The following ST3GAL3 variants were observed in gnomAD, a reference collection of about 807,000 sequenced individuals.
The protein encoded by ST3GAL3 is CMP-N-acetylneuraminate-beta-1,4-galactoside alpha-2,3-sialyltransferase.
Under a neutral mutation model 50.1 loss-of-function variants are expected in ST3GAL3, and 21 were observed. That is an observed-to-expected ratio of 0.42 (90% CI 0.30 to 0.60). ST3GAL3 has a LOEUF of 0.60. ST3GAL3 is among the 20% of genes least tolerant of loss of function. ST3GAL3 has a pLI of 0.19. For synonymous variants in ST3GAL3, 183 were observed against 190.0 expected (o/e 0.96, Z 0.30); for missense variants, 353 against 489.4 (o/e 0.72, Z 2.63).
chr1:43,835,763 A>T (rs140012709), intron 4 of ST3GAL3, among the ~76,000 whole-genome samples: 116 of 152,310 alleles, frequency 7.6e-4, no homozygotes, highest in African/African-American at 2.6e-3. Context: ...TCTGCTGTTT[A>T]TGAAACTTTC....
chr1:43,930,134 C>T lies in ST3GAL3; in HGVS notation c.1041C>T (p.Ser347=). The change falls in exon 12 of 12, where the codon TCC becomes TCT. Residue 347 remains serine, a splice_region_variant and synonymous_variant. Coordinates refer to ENST00000347631, the MANE Select transcript of ST3GAL3 (RefSeq NM_006279.5). ...ETVRMAAIKE[S]WTHNIQREKE... is the part of the protein sequence containing the mutation. ...GATCACTTCATCTCTCCTTTCAGTC[C>T]TGGACGCACAATATCCAGCGAGAGA... 2.5e-6 allele frequency: 4 copies of T among 1,614,152 alleles called. No individual in the cohort carries two copies. The highest frequency in any genetic ancestry group is 3.4e-6 in the Non-Finnish European group (4 of 1,180,018).
At chr1:43,887,731 C>T (rs911160423) in intron 5 of ST3GAL3, among the ~76,000 whole-genome samples, 2 of 152,060 alleles carry the variant, frequency 1.3e-5, no homozygotes, top group Non-Finnish European at 2.9e-5. Flanking sequence ...GGTAGATGAT[C>T]GCTTGAAACT....
intron 2 of ST3GAL3, among the ~76,000 whole-genome samples, chr1:43,741,485 TGCCCTGGAGAATACTCTCTGGCAC>T (rs1680904723): frequency 6.6e-6 from 1 of 152,248 alleles, no homozygotes; most frequent in African/African-American, 2.4e-5. Flanking sequence ...TTGATCTGAT[TGCCCTGGAGAATACTCTCTGGCAC>T]AAAAGCGGAA....
intron 2 of ST3GAL3, among the ~76,000 whole-genome samples, chr1:43,742,914 A>G (rs568830799): frequency 2.6e-5 from 4 of 152,246 alleles, no homozygotes; most frequent in African/African-American, 9.6e-5. Flanking sequence ...CCTGGCCAAC[A>G]TGGTGAAACC....
chr1:43,746,823 C>T (rs529425710), intron 2 of ST3GAL3, among the ~76,000 whole-genome samples: 1 of 143,008 alleles, frequency 7.0e-6, no homozygotes, highest in African/African-American at 2.6e-5. Flanking sequence ...AGTGCAGTGG[C>T]GCCATCTCGG....
rs1363843490 is a variant in ST3GAL3, at chr1:43,855,381, G to A, written c.302+17070G>A. ...TCCCATCACTTTGGCCGGCCAAGGC[G>A]GGTGGATCACCTGACGTCAAGAGTT... On this transcript the variant is annotated intron_variant, in intron 5 of 11. Coordinates refer to ENST00000347631, the MANE Select transcript of ST3GAL3 (RefSeq NM_006279.5). Among the ~76,000 whole-genome samples the A allele has an allele frequency of 5.9e-5, 9 of 152,238 alleles. No individual in the cohort carries two copies. The South Asian group carries it at 6.2e-4, about 11-fold the overall frequency.
intron 3 of ST3GAL3, among the ~76,000 whole-genome samples, chr1:43,806,262 T>C (rs1173598778): frequency 6.6e-6 from 1 of 152,170 alleles, no homozygotes; most frequent in Non-Finnish European, 1.5e-5. Flanking sequence ...GATGGCTTTA[T>C]CTTGAAGGAT....
chr1:43,914,852 C>A (rs377734794), intron 9 of ST3GAL3, among the ~76,000 whole-genome samples: 15 of 152,260 alleles, frequency 9.9e-5, no homozygotes, highest in African/African-American at 3.6e-4. Context: ...CTGGCACCTG[C>A]TGTTCCTGTC....
At position 43,726,246 on chromosome 1, in the gene ST3GAL3, T is replaced by C. The variant is rs768043910; in HGVS notation, c.-30-9987T>C. The stretch of plus-strand genomic sequence containing the variant: ...TTACTCTGTTCCCCTCTGTTAATAA[T>C]TAGTGAGGAAATAGTTTAAAACTAT... On this transcript the variant is annotated intron_variant, in intron 1 of 11. Coordinates refer to ENST00000347631, the MANE Select transcript of ST3GAL3 (RefSeq NM_006279.5). Among the ~76,000 whole-genome samples the C allele has an allele frequency of 7.2e-5, 11 of 152,272 alleles. No homozygotes were observed. The East Asian group carries it at 1.7e-3, about 24-fold the overall frequency.
chr1:43,860,107 C>T (rs977817629), intron 5 of ST3GAL3, among the ~76,000 whole-genome samples: 2 of 152,174 alleles, frequency 1.3e-5, no homozygotes, highest in African/African-American at 4.8e-5. Flanking sequence ...CCCCTGAGGG[C>T]GTATGCAAGG....
chr1:43,766,346 G>A (rs1558207108), intron 2 of ST3GAL3, among the ~76,000 whole-genome samples: 1 of 152,214 alleles, frequency 6.6e-6, no homozygotes, highest in East Asian at 1.9e-4. Flanking sequence ...GAGACTCACA[G>A]GAAGTAACCA....
intron 4 of ST3GAL3, among the ~76,000 whole-genome samples, chr1:43,818,084 C>G (rs2061642165): frequency 6.6e-6 from 1 of 152,022 alleles, no homozygotes; most frequent in South Asian, 2.1e-4. Flanking sequence ...GAAAAATTTT[C>G]AGCCATTATC....
At chr1:43,827,960 A>C (rs947418963) in intron 4 of ST3GAL3, among the ~76,000 whole-genome samples, 4 of 152,128 alleles carry the variant, frequency 2.6e-5, no homozygotes, top group African/African-American at 9.6e-5. Flanking sequence ...CTGATGAAGA[A>C]GAAGAAAGTT....
chr1:43,832,978 T>C (rs2063746866), intron 4 of ST3GAL3, among the ~76,000 whole-genome samples: 1 of 152,214 alleles, frequency 6.6e-6, no homozygotes, highest in African/African-American at 2.4e-5. Context: ...TGCTGGGTTG[T>C]TAGGCAGTGT....
At chr1:43,921,487 G>C (rs1208492169) in intron 11 of ST3GAL3, 1 of 402,632 alleles carries the variant, frequency 2.5e-6, no homozygotes, top group Non-Finnish European at 4.4e-6. Context: ...AACTCCGCTT[G>C]CCACACTTCT....
Position 43,922,810 on chromosome 1 carries a change from A to AG in ST3GAL3, c.1038+1882_1038+1883insG, listed in dbSNP as rs1255388892. Among the ~76,000 whole-genome samples, 2 of 147,052 alleles carry AG rather than the reference A, an allele frequency of 1.4e-5. 1 individual carries two copies. The highest frequency in any genetic ancestry group is 1.4e-4 in the Admixed American group (2 of 14,742). On this transcript the variant is annotated intron_variant, in intron 11 of 11. Transcript: ENST00000347631. Reference sequence around the variant, plus strand: ...GCAAGACTGTCTCAAAAAAGAAAAAAAAAAAAAAAGGCCAGGCATGGTGGC... The same window carrying AG: ...GCAAGACTGTCTCAAAAAAGAAAAAAGAAAAAAAAAGGCCAGGCATGGTGGC...
chr1:43,719,146 A>G (rs972000655), intron 1 of ST3GAL3: 3 of 152,274 alleles, frequency 2.0e-5, no homozygotes, highest in African/African-American at 7.2e-5. Flanking sequence ...ATTAAAAGAG[A>G]GAAATCACAT....
intron 5 of ST3GAL3, among the ~76,000 whole-genome samples, chr1:43,853,462 AG>A: frequency 6.6e-6 from 1 of 152,142 alleles, no homozygotes; most frequent in East Asian, 1.9e-4. Context: ...AGTTTGCCCG[AG>A]GTCACACAGA....
chr1:43,772,993 C>T (rs903280388), intron 2 of ST3GAL3, among the ~76,000 whole-genome samples: 7 of 152,178 alleles, frequency 4.6e-5, no homozygotes, highest in Non-Finnish European at 1.0e-4. Flanking sequence ...GTGATCTGCC[C>T]GCCTTGGCCT....
Sources: allele counts gnomAD v4.1 joint callset (sites outside exome capture counted in the v4.1 genomes callset), GRCh38; gene constraint gnomAD v4.1.1; transcripts MANE v1.5; gene names NCBI Gene and HGNC (gene_info 2026-07-23, HGNC 2026-07-21).